The following ULK2 variants were observed in gnomAD, a reference collection of about 807,000 sequenced individuals.
ULK2 encodes the protein serine/threonine-protein kinase ULK2.
Under a neutral mutation model 127.5 loss-of-function variants are expected in ULK2, and 76 were observed. The ratio of observed to expected loss-of-function variants is 0.60; its 90% CI spans 0.50 to 0.72. The LOEUF (loss-of-function observed/expected upper bound fraction) is 0.72. ULK2 is among the 30% of genes least tolerant of loss of function. The pLI is 0.00. For synonymous variants in ULK2, 452 were observed against 461.9 expected, an observed-to-expected ratio of 0.98 and a Z score of 0.28; for missense variants, 1,144 against 1,295.9, an observed-to-expected ratio of 0.88 and a Z score of 1.80.
chr17:19,840,150 T>C lies in ULK2; in HGVS notation c.704+1339A>G, dbSNP rs991903376. ...GATGTCGTTCCCAAAGTATACTCTA[T>C]CACGCCTGGCCACTGTGCCCCCGAC... is the stretch of plus-strand genomic sequence containing the variant. On this transcript the variant is annotated intron_variant, in intron 9 of 26. Coordinates refer to ENST00000395544, the MANE Select transcript of ULK2 (RefSeq NM_014683.4). The C allele has an allele frequency of 2.7e-5, 12 of 439,274 alleles. No individual in the cohort carries two copies. The Admixed American group carries it at 2.7e-4, about 10-fold the overall frequency. The allele number at this position is 439,274 out of a possible 1,614,324, so 27.2% of individuals were successfully genotyped here.
rs770613668 is a variant in ULK2 at position 19,782,078 on chromosome 17, G to A, written c.2461-11C>T. The A allele has an allele frequency of 6.2e-7, 1 of 1,611,992 alleles. No homozygotes were observed. The highest frequency in any genetic ancestry group is 1.3e-5 in the African/African-American group (1 of 74,984). ...GTCTGTGTGTTCCCGCTGCAGCAAA[G>A]TCAATTTGTCTTAGAAAATTTCAGA... On this transcript the variant is annotated splice_polypyrimidine_tract_variant and intron_variant, in intron 22 of 26. Coordinates refer to ENST00000395544, the MANE Select transcript of ULK2 (RefSeq NM_014683.4).
At chr17:19,861,128 G>A (rs1008863075) in intron 3 of ULK2, 3 of 151,630 alleles carry the variant, frequency 2.0e-5, no homozygotes, top group African/African-American at 7.3e-5. Context: ...TATAACATTT[G>A]AATGCAGTCA....
chr17:19,810,291 T>C, intron 14 of ULK2, 87 bp downstream of exon 14: 1 of 814,262 alleles, frequency 1.2e-6, no homozygotes, highest in Non-Finnish European at 1.9e-6. Context: ...AAAATAAATC[T>C]TAAATCAAGA....
At chr17:19,839,862 C>A (rs370963291) in intron 9 of ULK2, among the ~76,000 whole-genome samples, 2 of 152,186 alleles carry the variant, frequency 1.3e-5, no homozygotes, top group African/African-American at 4.8e-5. Context: ...GCTGTATTCA[C>A]TGGGACAGCC....
At chr17:19,855,200 C>T (rs570561466) in intron 3 of ULK2, among the ~76,000 whole-genome samples, 1 of 151,300 alleles carries the variant, frequency 6.6e-6, no homozygotes, top group African/African-American at 2.4e-5. Flanking sequence ...GTCAGGAGAT[C>T]GAGACCATCC....
chr17:19,818,914 C>T (rs2041066758), intron 12 of ULK2, among the ~76,000 whole-genome samples: 2 of 151,088 alleles, frequency 1.3e-5, no homozygotes, highest in Admixed American at 6.6e-5. Flanking sequence ...GATTCTCCTG[C>T]CTCAGCCTCT....
At chr17:19,840,487 T>C (rs1017528332) in intron 9 of ULK2, 1 of 461,580 alleles carries the variant, frequency 2.2e-6, no homozygotes, top group Non-Finnish European at 4.2e-6. Context: ...GAAGGAAAAT[T>C]GGATCAAACA....
At chr17:19,867,258 G>T in intron 1 of ULK2, 70 bp downstream of exon 1, 2 of 1,279,672 alleles carry the variant, frequency 1.6e-6, no homozygotes, top group Non-Finnish European at 2.1e-6. Flanking sequence ...TCGCGGCTGC[G>T]CCAAGTTTCA....
intron 20 of ULK2, 29 bp downstream of exon 20, chr17:19,795,593 T>G: frequency 6.3e-7 from 1 of 1,580,122 alleles, no homozygotes; most frequent in Non-Finnish European, 8.7e-7. Flanking sequence ...GCAAATTACC[T>G]GCCTAAAAAG....
Position 19,833,127 on chromosome 17 carries a change from G to GAAAA in ULK2, c.787+5370_787+5373dup, listed in dbSNP as rs71157837. 6.6e-3 allele frequency among the ~76,000 whole-genome samples: 760 copies of GAAAA among 115,314 alleles called. 9 individuals carry two copies. The highest frequency in any genetic ancestry group is 0.025 in the African/African-American group (695 of 28,180). 75.7% of individuals were successfully genotyped at this position (115,314 alleles called of 152,430 possible). On this transcript the variant is annotated intron_variant, in intron 10 of 26. Coordinates refer to ENST00000395544, the MANE Select transcript of ULK2 (RefSeq NM_014683.4). ...GACACAGTAAGACTTTGTCTCAAAG[G>GAAAA]AAAAAAAAAAAAAAAAAAAAAAACA...
chr17:19,849,733 ACTAC>A lies in ULK2; in HGVS notation c.258+5_258+8del. On this transcript the variant is annotated splice_donor_5th_base_variant and intron_variant, in intron 4 of 26. Coordinates refer to ENST00000395544, the MANE Select transcript of ULK2 (RefSeq NM_014683.4). The stretch of plus-strand genomic sequence containing the variant: ...AAATAAATTAAACAGAAGTTTGTAT[ACTAC>A]CTACCTCCATCACCAAAAAGACAGA... The A allele has an allele frequency of 6.6e-7, 1 of 1,522,660 alleles. No individual in the cohort carries two copies. Among genetic ancestry groups the A allele is most frequent in the Non-Finnish European group, 8.8e-7 (1 of 1,132,060 alleles). The allele number at this position is 1,522,660 out of a possible 1,614,324, so 94.3% of individuals were successfully genotyped here. A position where few individuals can be genotyped will look rare whatever the true frequency, so the allele number is the denominator to read the frequency against.
At chr17:19,784,104 T>C (rs2086977942) in intron 21 of ULK2, 199 bp from the exon 22 acceptor site, 1 of 417,014 alleles carries the variant, frequency 2.4e-6, no homozygotes, top group African/African-American at 2.0e-5. Flanking sequence ...TGTCTATATA[T>C]TTTATATTAG....
intron 3 of ULK2, among the ~76,000 whole-genome samples, chr17:19,857,822 C>T (rs1401589485): frequency 6.6e-6 from 1 of 152,154 alleles, no homozygotes; most frequent in African/African-American, 2.4e-5. Flanking sequence ...TCATCTAACA[C>T]TATGCTCTCG....
chr17:19,830,574 C>G (rs2041412316), intron 10 of ULK2, among the ~76,000 whole-genome samples: 1 of 144,300 alleles, frequency 6.9e-6, no homozygotes, highest in Non-Finnish European at 1.5e-5. Context: ...AAGTGGAAAT[C>G]AAGGGCCGGG....
At chr17:19,793,644 C>A (rs969659623) in intron 20 of ULK2, among the ~76,000 whole-genome samples, 1 of 152,130 alleles carries the variant, frequency 6.6e-6, no homozygotes, top group Non-Finnish European at 1.5e-5. Context: ...CAAAGACAAC[C>A]GGAGAGACAA....
intron 10 of ULK2, among the ~76,000 whole-genome samples, chr17:19,828,605 G>A (rs184451794): frequency 6.6e-6 from 1 of 152,158 alleles, no homozygotes; most frequent in Admixed American, 6.6e-5. Flanking sequence ...AATGAGAAAG[G>A]AATCAAAACA....
At position 19,867,493 on chromosome 17, in the gene ULK2, G is replaced by A. The variant is rs1459487406; in HGVS notation, c.-76C>T. ...CAGGTATCAGCACCGCGGCTCCGCG[G>A]GCCCGGAGCGCGCCAGCGTGCGGCG... On this transcript the variant is annotated 5_prime_UTR_variant, in exon 1 of 27. Coordinates refer to ENST00000395544, the MANE Select transcript of ULK2 (RefSeq NM_014683.4). The A allele has an allele frequency of 4.3e-6, 5 of 1,172,136 alleles. No individual in the cohort carries two copies. The highest frequency in any genetic ancestry group is 1.6e-5 in the African/African-American group (1 of 60,638). The allele number at this position is 1,172,136 out of a possible 1,614,324, so 72.6% of individuals were successfully genotyped here.
Position 19,771,939 on chromosome 17 carries a change from G to C in ULK2, c.*4410C>G, listed in dbSNP as rs528538855. 1 of 152,316 alleles carries C rather than the reference G, an allele frequency of 6.6e-6. No individual in the cohort carries two copies. The highest frequency in any genetic ancestry group is 6.5e-5 in the Admixed American group (1 of 15,282). 9.4% of individuals were successfully genotyped at this position (152,316 alleles called of 1,614,324 possible). A position where few individuals can be genotyped will look rare whatever the true frequency, so the allele number is the denominator to read the frequency against. The stretch of plus-strand genomic sequence containing the variant: ...CATGCTGCAGAGCCCAGGGAGGTCC[G>C]CCCTGCGCAGAGAGGGAGTGCAGAC... On this transcript the variant is annotated 3_prime_UTR_variant, in exon 27 of 27. Transcript: ENST00000395544.
At chr17:19,798,591 C>T (rs1483377132) in intron 17 of ULK2, among the ~76,000 whole-genome samples, 1 of 152,152 alleles carries the variant, frequency 6.6e-6, no homozygotes, top group Non-Finnish European at 1.5e-5. Flanking sequence ...TCTTTCCAAA[C>T]CTGATATTTA....
Sources: gnomAD v4.1 joint callset for allele counts (sites outside exome capture counted in the v4.1 genomes callset) on GRCh38, gnomAD v4.1.1 for gene constraint, MANE v1.5 for transcripts, NCBI Gene and HGNC (gene_info 2026-07-23, HGNC 2026-07-21) for gene names.